LIN54: variants seen among roughly 807,000 people sequenced by gnomAD.
LIN54 encodes protein lin-54 homolog.
A neutral mutation model predicts 78.7 loss-of-function variants in LIN54; 9 were observed. The observed-to-expected ratio is 0.11, with a 90% CI of 0.07 to 0.20. LIN54 has a LOEUF of 0.20. Among genes scored for constraint, LIN54 ranks in the 10% least tolerant of loss-of-function variants. LIN54 has a pLI of 1.00. For synonymous variants in LIN54, 269 were observed against 318.4 expected, an observed-to-expected ratio of 0.84 and a Z score of 1.65; for missense variants, 573 against 889.9, an observed-to-expected ratio of 0.64 and a Z score of 4.53.
intron 1 of LIN54, among the ~76,000 whole-genome samples, chr4:83,000,901 T>G (rs911606146): frequency 2.1e-5 from 3 of 141,138 alleles, no homozygotes; most frequent in African/African-American, 7.9e-5. Flanking sequence ...CACTGCAACC[T>G]CTGCCTCCCA....
At position 82,982,319 on chromosome 4, in the gene LIN54, C is replaced by G. The variant is rs191885956; in HGVS notation, c.684+1842G>C. On this transcript the variant is annotated intron_variant, in intron 2 of 12. Coordinates refer to ENST00000340417, the MANE Select transcript of LIN54 (RefSeq NM_194282.4). Reference sequence around the variant, plus strand: ...CCACAGCTCACAGCAGCCTAGACCTCCCCGGCTCAAGCGACCCTCTCACCT... The same window carrying G: ...CCACAGCTCACAGCAGCCTAGACCTGCCCGGCTCAAGCGACCCTCTCACCT... 5.5e-3 allele frequency among the ~76,000 whole-genome samples: 833 copies of G among 152,270 alleles called. 34 individuals are homozygous for G. The highest frequency in any genetic ancestry group is 0.049 in the Admixed American group (756 of 15,300).
At chr4:82,974,008 G>A (rs544945957) in intron 3 of LIN54, among the ~76,000 whole-genome samples, 130 of 151,478 alleles carry the variant, frequency 8.6e-4, no homozygotes, top group Middle Eastern at 6.8e-3. Flanking sequence ...CAGGAGATTG[G>A]GACCATCCTG....
chr4:82,994,950 A>AGTGGGACT (rs1728066463), intron 1 of LIN54, among the ~76,000 whole-genome samples: 1 of 152,010 alleles, frequency 6.6e-6, no homozygotes, highest in African/African-American at 2.4e-5. Flanking sequence ...GAATTATAGG[A>AGTGGGACT]GTGGGACTCT....
intron 5 of LIN54, among the ~76,000 whole-genome samples, chr4:82,940,331 C>T (rs1022322756): frequency 2.0e-5 from 3 of 152,142 alleles, no homozygotes; most frequent in Non-Finnish European, 4.4e-5. Context: ...AACAACAGCA[C>T]TCTATACTAC....
At chr4:82,951,705 C>T (rs1384806891) in intron 4 of LIN54, among the ~76,000 whole-genome samples, 1 of 152,002 alleles carries the variant, frequency 6.6e-6, no homozygotes, top group Admixed American at 6.6e-5. Context: ...ATACCTCATT[C>T]CTTTTAACAA....
chr4:83,012,669 C>A (rs570859131), upstream of LIN54: 3 of 152,166 alleles, frequency 2.0e-5, no homozygotes, highest in Admixed American at 6.5e-5. Flanking sequence ...CAAGGCCCAC[C>A]GGCCCGGGCT....
At chr4:82,974,434 C>T (rs1725970654) in intron 3 of LIN54, among the ~76,000 whole-genome samples, 1 of 151,518 alleles carries the variant, frequency 6.6e-6, no homozygotes, top group Non-Finnish European at 1.5e-5. Flanking sequence ...TGAAATAAGC[C>T]AATCAAAAAA....
At chr4:82,972,644 C>T (rs1725756907) in intron 3 of LIN54, among the ~76,000 whole-genome samples, 1 of 152,076 alleles carries the variant, frequency 6.6e-6, no homozygotes. Flanking sequence ...TATTTATAGC[C>T]ACTGCTATAA....
rs539447326 is a variant in LIN54 at position 82,990,326 on chromosome 4, T to C, written c.-32-5450A>G. Among the ~76,000 whole-genome samples the C allele has an allele frequency of 1.1e-4, 17 of 152,306 alleles. No homozygotes were observed. In the East Asian group the frequency reaches 2.1e-3, roughly 19 times the overall value. On this transcript the variant is annotated intron_variant, in intron 1 of 12. Coordinates refer to ENST00000340417, the MANE Select transcript of LIN54 (RefSeq NM_194282.4). ...TCATGTGTCAGAGACAAAAGGACTT[T>C]TGACTCACAGTACAGCAAGGAACAT... is the stretch of plus-strand genomic sequence containing the variant.
chr4:83,012,810 C>G (rs1485740588), upstream of LIN54: 1 of 151,662 alleles, frequency 6.6e-6, no homozygotes, highest in Non-Finnish European at 1.5e-5. Context: ...GCGGCGCCGC[C>G]GCCTCCTGGT....
Position 82,957,969 on chromosome 4 carries a change from C to T in LIN54, c.952-11495G>A, listed in dbSNP as rs141108067. On this transcript the variant is annotated intron_variant, in intron 4 of 12. Coordinates refer to ENST00000340417, the MANE Select transcript of LIN54 (RefSeq NM_194282.4). ...GACTTCTTTCTTCCTCTTTCCTCTG[C>T]ACTTTTATATCACCTAGTCTATACT... Among the ~76,000 whole-genome samples, 506 of 152,282 alleles carry T rather than the reference C, an allele frequency of 3.3e-3. 6 individuals carry two copies. Among genetic ancestry groups the T allele is most frequent in the African/African-American group, 0.011 (470 of 41,546 alleles).
In LIN54 at chr4:82,949,587, G is replaced by A. The variant is rs1265358127; in HGVS notation, c.952-3113C>T. ...AATTTTTGTATTTTGAATAGAGACG[G>A]GGTTTCACCATGTTGGCCAGGCTGG... On this transcript the variant is annotated intron_variant, in intron 4 of 12. Coordinates refer to ENST00000340417, the MANE Select transcript of LIN54 (RefSeq NM_194282.4). Among the ~76,000 whole-genome samples the A allele has an allele frequency of 2.0e-5, 3 of 151,926 alleles. No individual in the cohort carries two copies. In the East Asian group the frequency reaches 5.8e-4, roughly 29 times the overall value.
At position 82,947,012 on chromosome 4, in the gene LIN54, C is replaced by G. The variant is rs187343824; in HGVS notation, c.952-538G>C. 3.2e-3 allele frequency among the ~76,000 whole-genome samples: 479 copies of G among 151,576 alleles called. 13 individuals carry two copies. Among genetic ancestry groups the G allele is most frequent in the Non-Finnish European group, 9.9e-4 (67 of 67,904 alleles). ...CAGGTGATCCACCTGCCTCAGCCCC[C>G]CAAAGTGCTGCTTTTTCCCAAAAGA... On this transcript the variant is annotated intron_variant, in intron 4 of 12. Transcript: ENST00000340417.
intron 1 of LIN54, among the ~76,000 whole-genome samples, chr4:82,995,033 G>A (rs528701937): frequency 6.6e-6 from 1 of 152,192 alleles, no homozygotes; most frequent in African/African-American, 2.4e-5. Context: ...GCTCACACCT[G>A]TAATCCCAAC....
chr4:82,983,018 T>C (rs1726802456), intron 2 of LIN54, among the ~76,000 whole-genome samples: 1 of 151,288 alleles, frequency 6.6e-6, no homozygotes, highest in Admixed American at 6.6e-5. Context: ...TTTTTTTTTT[T>C]TTTTTTGAGA....
intron 4 of LIN54, among the ~76,000 whole-genome samples, chr4:82,960,911 A>G (rs1724737124): frequency 6.6e-6 from 1 of 152,002 alleles, no homozygotes; most frequent in South Asian, 2.1e-4. Context: ...AAATACAAAT[A>G]TTAGCTGGGT....
intron 5 of LIN54, among the ~76,000 whole-genome samples, chr4:82,943,188 C>G (rs1723081569): frequency 6.6e-6 from 1 of 152,134 alleles, no homozygotes; most frequent in South Asian, 2.1e-4. Context: ...TCTGAACAAT[C>G]CTTTAGAATA....
intron 4 of LIN54, among the ~76,000 whole-genome samples, chr4:82,954,839 G>A (rs2126054358): frequency 6.6e-6 from 1 of 152,284 alleles, no homozygotes; most frequent in East Asian, 1.9e-4. Context: ...TCTAGACACA[G>A]ACCTTACACC....
Position 82,984,734 on chromosome 4 carries a change from T to C in LIN54, c.111A>G (p.Pro37=). 6.2e-7 allele frequency: 1 copy of C among 1,614,110 alleles called. No individual in the cohort carries two copies. The highest frequency in any genetic ancestry group is 8.5e-7 in the Non-Finnish European group (1 of 1,180,004). The change falls in exon 2 of 13, where the codon CCA becomes CCG. Residue 37 remains proline (P), a synonymous_variant. Coordinates refer to ENST00000340417, the MANE Select transcript of LIN54 (RefSeq NM_194282.4). ...CTTCCAGTTCTGTCTCCATGGGAAT[T>C]GGGGATGAAACAATAACAGCCTCAA... ...DSIEAVIVSS[P]IPMETELEEI... is the part of the protein sequence containing the mutation.
Sources: gnomAD v4.1 joint callset for allele counts (sites outside exome capture counted in the v4.1 genomes callset) on GRCh38, gnomAD v4.1.1 for gene constraint, MANE v1.5 for transcripts, NCBI Gene and HGNC (gene_info 2026-07-23, HGNC 2026-07-21) for gene names.